MTCL1: variants seen among roughly 807,000 people sequenced by gnomAD.
MTCL1 encodes the protein microtubule crosslinking factor 1, also known as microtubule cross-linking factor 1.
A neutral mutation model predicts 141.4 loss-of-function variants in MTCL1; 79 were observed. The observed-to-expected ratio is 0.56, with a 90% CI of 0.47 to 0.67. The LOEUF (loss-of-function observed/expected upper bound fraction) is 0.67, where lower values mean the gene tolerates loss of function less well. Among genes scored for constraint, MTCL1 ranks in the 30% least tolerant of loss-of-function variants. The pLI is 0.00. For missense variants in MTCL1, 2,177 were observed against 2,113.9 expected, an observed-to-expected ratio of 1.03 and a Z score of -0.59; for synonymous variants, 914 against 875.8, an observed-to-expected ratio of 1.04 and a Z score of -0.77.
At chr18:8,747,873 G>A (rs1474741152) in intron 4 of MTCL1, among the ~76,000 whole-genome samples, 1 of 152,146 alleles carries the variant, frequency 6.6e-6, no homozygotes, top group East Asian at 1.9e-4. Flanking sequence ...GGCTCCAGAT[G>A]GATAGCCTCA....
At chr18:8,807,098 T>C (rs1170777575) in intron 11 of MTCL1, 38 bp downstream of exon 10, 1 of 1,585,760 alleles carries the variant, frequency 6.3e-7, no homozygotes, top group African/African-American at 1.3e-5. Context: ...CCTGACTGTG[T>C]GTCTCTGCTG....
chr18:8,830,784 A>C lies in MTCL1; in HGVS notation c.*19-823A>C, dbSNP rs2077170676. ...CATTTCTGTGTATCAGCAAATTCCA[A>C]ATTTGGGTGTCCTGGTTTTGTAACA... On this transcript the variant is annotated intron_variant, in intron 16 of 16. Coordinates refer to ENST00000359865, the Ensembl canonical transcript of MTCL1. This position sits in a 1 kb window ranked among gnomAD's most constrained non-coding sequence, Gnocchi z 6.4. 1 of 985,278 alleles carries C rather than the reference A, an allele frequency of 1.0e-6. No homozygotes were observed. The highest frequency in any genetic ancestry group is 1.2e-6 in the Non-Finnish European group (1 of 829,944). The allele number at this position is 985,278 out of a possible 1,614,324, so 61.0% of individuals were successfully genotyped here.
At chr18:8,753,180 C>T (rs2096380669) in intron 4 of MTCL1, among the ~76,000 whole-genome samples, 2 of 152,180 alleles carry the variant, frequency 1.3e-5, no homozygotes, top group Non-Finnish European at 2.9e-5. Flanking sequence ...TGGGTGAGAA[C>T]GTTTTCATAA....
At chr18:8,750,886 C>T (rs1245992459) in intron 4 of MTCL1, among the ~76,000 whole-genome samples, 1 of 152,156 alleles carries the variant, frequency 6.6e-6, no homozygotes, top group Non-Finnish European at 1.5e-5. Context: ...TTTGGCATAG[C>T]TGGGAGTGAG....
chr18:8,744,975 T>C (rs1001530259), intron 4 of MTCL1, among the ~76,000 whole-genome samples: 1 of 152,326 alleles, frequency 6.6e-6, no homozygotes, highest in Admixed American at 6.5e-5. Context: ...GGCTGTGGCC[T>C]TCTGTGGTCT....
At position 8,793,139 on chromosome 18, in the gene MTCL1, C is replaced by G. The variant is rs367854440; in HGVS notation, c.2010+19C>G. ...CCATAAGGTAAATATTTAACACGGA[C>G]TCAGCACAACCGCTTTGTGAACTGC... is the stretch of plus-strand genomic sequence containing the variant. On this transcript the variant is annotated intron_variant, in intron 8 of 16. Transcript: ENST00000359865. The G allele has an allele frequency of 6.6e-5, 106 of 1,612,006 alleles. No individual in the cohort carries two copies. Among genetic ancestry groups the G allele is most frequent in the Non-Finnish European group, 8.8e-5 (104 of 1,178,958 alleles).
intron 6 of MTCL1, 48 bp from the exon 6 acceptor site, chr18:8,785,888 A>G: frequency 6.6e-7 from 1 of 1,521,224 alleles, no homozygotes; most frequent in South Asian, 1.3e-5. Context: ...TTTTTTGTTT[A>G]AAATTTTAAA....
chr18:8,738,401 C>A (rs2148897148), intron 4 of MTCL1, among the ~76,000 whole-genome samples: 1 of 152,210 alleles, frequency 6.6e-6, no homozygotes, highest in Middle Eastern at 3.4e-3. Flanking sequence ...TTTGTAAAAT[C>A]ATTTTTGTAG....
At chr18:8,725,489 AG>A (rs759855944) in intron 4 of MTCL1, among the ~76,000 whole-genome samples, 45 of 152,216 alleles carry the variant, frequency 3.0e-4, no homozygotes, top group Non-Finnish European at 6.3e-4. Context: ...AACTATACAA[AG>A]GTTTTACAAA....
At chr18:8,782,604 A>G (rs1028255668) in intron 5 of MTCL1, 4 of 152,206 alleles carry the variant, frequency 2.6e-5, no homozygotes, top group South Asian at 2.1e-4. Context: ...TGGAAGCCCT[A>G]TGAGGACACT....
At chr18:8,806,947 C>G in exon 11 of MTCL1, 1 of 1,613,754 alleles carries the variant, frequency 6.2e-7, no homozygotes, top group South Asian at 1.1e-5. Flanking sequence ...GGAGGACTTC[C>G]GTGCGGAGCT....
chr18:8,717,426 G>C (rs1004838253), exon 1 of MTCL1: 2 of 152,460 alleles, frequency 1.3e-5, no homozygotes, highest in African/African-American at 2.4e-5. Context: ...AAGAAGCAAA[G>C]GTGCGAGCAG....
At chr18:8,794,035 G>A (rs2075827186) in intron 8 of MTCL1, among the ~76,000 whole-genome samples, 1 of 152,180 alleles carries the variant, frequency 6.6e-6, no homozygotes, top group Non-Finnish European at 1.5e-5. Context: ...ATGCCAAGAT[G>A]TAAATACTTT....
intron 5 of MTCL1, among the ~76,000 whole-genome samples, chr18:8,783,183 G>T (rs532488325): frequency 6.6e-6 from 1 of 152,166 alleles, no homozygotes; most frequent in Non-Finnish European, 1.5e-5. Context: ...GAGGGGTTGC[G>T]CATTCCCGCT....
intron 1 of MTCL1, among the ~76,000 whole-genome samples, chr18:8,708,103 A>C (rs898983360): frequency 1.3e-5 from 2 of 152,244 alleles, no homozygotes; most frequent in African/African-American, 2.4e-5. Flanking sequence ...TGACTCCATC[A>C]TGAAAGCAGC....
At chr18:8,771,200 G>A (rs2096483964) in intron 4 of MTCL1, among the ~76,000 whole-genome samples, 1 of 151,918 alleles carries the variant, frequency 6.6e-6, no homozygotes, top group Non-Finnish European at 1.5e-5. Context: ...TGTTGCTCAG[G>A]CTACTCTTGA....
exon 17 of MTCL1, chr18:8,831,686 C>G: frequency 6.4e-7 from 1 of 1,550,602 alleles, no homozygotes; most frequent in East Asian, 2.4e-5. Context: ...CGTCGCCCTC[C>G]GTCCCGTTGG....
intron 4 of MTCL1, among the ~76,000 whole-genome samples, chr18:8,724,336 AG>A (rs981355758): frequency 6.3e-4 from 96 of 152,060 alleles, no homozygotes; most frequent in African/African-American, 2.2e-3. Context: ...GCTTGAACCC[AG>A]GAGGCAGAGG....
At chr18:8,820,176 G>A (rs1423819497) in intron 13 of MTCL1, among the ~76,000 whole-genome samples, 3 of 152,104 alleles carry the variant, frequency 2.0e-5, no homozygotes, top group Non-Finnish European at 4.4e-5. Context: ...TTGGGAGGCC[G>A]AGGTGGGCGG....
Sources: gnomAD v4.1 joint callset for allele counts (sites outside exome capture counted in the v4.1 genomes callset) on GRCh38, gnomAD v4.1.1 for gene constraint, Gnocchi (gnomAD v3.1) non-coding constraint, MANE v1.5 for transcripts, NCBI Gene and HGNC (gene_info 2026-07-23, HGNC 2026-07-21) for gene names.